Variants in PDGFC observed in about 807,000 individuals in gnomAD.
The protein encoded by PDGFC is platelet derived growth factor C.
Under a neutral mutation model 35.5 loss-of-function variants are expected in PDGFC, and 12 were observed. The ratio of observed to expected loss-of-function variants is 0.34; its 90% CI spans 0.22 to 0.55. PDGFC has a LOEUF of 0.55. Among genes scored for constraint, PDGFC ranks in the 20% least tolerant of loss-of-function variants. The pLI is 0.91. For synonymous variants in PDGFC, 159 were observed against 148.8 expected, an observed-to-expected ratio of 1.07 and a Z score of -0.50; for missense variants, 322 against 412.4, an observed-to-expected ratio of 0.78 and a Z score of 1.90.
chr4:156,965,096 G>A (rs1321949066), intron 1 of PDGFC, among the ~76,000 whole-genome samples: 1 of 152,188 alleles, frequency 6.6e-6, no homozygotes. Context: ...TTTATCAAGA[G>A]TAAAACGTGG....
chr4:156,867,154 A>G (rs1729864850), intron 1 of PDGFC, among the ~76,000 whole-genome samples: 1 of 152,246 alleles, frequency 6.6e-6, no homozygotes, highest in African/African-American at 2.4e-5. Context: ...TAAATATGTT[A>G]GCATGAATAT....
intron 1 of PDGFC, among the ~76,000 whole-genome samples, chr4:156,878,332 TA>T (rs1299186512): frequency 1.3e-5 from 2 of 152,132 alleles, no homozygotes; most frequent in Admixed American, 1.3e-4. Flanking sequence ...TGCTTAGGAA[TA>T]AGGAAATGGT....
At chr4:156,827,380 G>A (rs1728798431) in intron 2 of PDGFC, among the ~76,000 whole-genome samples, 1 of 150,750 alleles carries the variant, frequency 6.6e-6, no homozygotes, top group South Asian at 2.1e-4. Context: ...TCACGCCACT[G>A]CACTCCAGCC....
chr4:156,804,284 T>C (rs1274252763), intron 3 of PDGFC, among the ~76,000 whole-genome samples: 1 of 152,042 alleles, frequency 6.6e-6, no homozygotes, highest in African/African-American at 2.4e-5. Flanking sequence ...GATCAAACTA[T>C]AGTTTAGAGC....
intron 1 of PDGFC, among the ~76,000 whole-genome samples, chr4:156,945,400 G>T (rs1437387751): frequency 4.7e-5 from 5 of 106,492 alleles, no homozygotes; most frequent in African/African-American, 1.0e-4. Flanking sequence ...TAATCAGTAG[G>T]GAAAATTCAC....
intron 3 of PDGFC, among the ~76,000 whole-genome samples, chr4:156,780,435 A>T (rs1730946822): frequency 6.6e-6 from 1 of 152,212 alleles, no homozygotes; most frequent in Admixed American, 6.5e-5. Flanking sequence ...ACAGAAATTT[A>T]TCCTACAGTA....
At position 156,959,650 on chromosome 4, in the gene PDGFC, G is replaced by A. The variant is rs555610462; in HGVS notation, c.118+11136C>T. ...GTGCTTTATGCAGTTTTAAATGTTC[G>A]GCAGATACATTAAATAAGTCCTATT... is the stretch of plus-strand genomic sequence containing the variant. On this transcript the variant is annotated intron_variant, in intron 1 of 5. Transcript: ENST00000502773. Among the ~76,000 whole-genome samples the A allele has an allele frequency of 3.9e-5, 6 of 151,970 alleles. No individual in the cohort carries two copies. In the South Asian group the frequency reaches 6.2e-4, roughly 16 times the overall value.
chr4:156,807,652 C>T (rs1731804609), intron 3 of PDGFC, among the ~76,000 whole-genome samples: 1 of 151,970 alleles, frequency 6.6e-6, no homozygotes, highest in South Asian at 2.1e-4. Flanking sequence ...TATTAAAACT[C>T]TGCCTCTAAG....
At chr4:156,947,992 C>G (rs1018618524) in intron 1 of PDGFC, among the ~76,000 whole-genome samples, 1 of 151,990 alleles carries the variant, frequency 6.6e-6, no homozygotes, top group African/African-American at 2.4e-5. Context: ...AATAGCAAGT[C>G]TCTACGGTCT....
At chr4:156,905,459 C>T (rs948583179) in intron 1 of PDGFC, among the ~76,000 whole-genome samples, 1 of 151,836 alleles carries the variant, frequency 6.6e-6, no homozygotes. Flanking sequence ...ATGTGCAATG[C>T]GTAAACTGAA....
At chr4:156,942,590 T>G (rs1053565799) in intron 1 of PDGFC, among the ~76,000 whole-genome samples, 1 of 151,216 alleles carries the variant, frequency 6.6e-6, no homozygotes, top group Non-Finnish European at 1.5e-5. Flanking sequence ...TTTTGAAAAA[T>G]TCTGAGAAAC....
chr4:156,901,317 A>T (rs1730776905), intron 1 of PDGFC, among the ~76,000 whole-genome samples: 1 of 152,158 alleles, frequency 6.6e-6, no homozygotes. Flanking sequence ...GCAAGGAGCA[A>T]GCACATGTAA....
intron 1 of PDGFC, among the ~76,000 whole-genome samples, chr4:156,940,391 A>G (rs948030272): frequency 1.3e-5 from 2 of 152,112 alleles, no homozygotes; most frequent in Non-Finnish European, 2.9e-5. Context: ...TGGACAATTG[A>G]TTTTATCTAT....
chr4:156,950,604 C>G (rs1732056599), intron 1 of PDGFC, among the ~76,000 whole-genome samples: 1 of 151,758 alleles, frequency 6.6e-6, no homozygotes, highest in African/African-American at 2.4e-5. Context: ...TCCTGTTACT[C>G]TGTCTTTTGT....
chr4:156,772,146 A>G (rs1019601323), intron 4 of PDGFC, among the ~76,000 whole-genome samples: 1 of 152,158 alleles, frequency 6.6e-6, no homozygotes, highest in African/African-American at 2.4e-5. Context: ...CTTGCTATGA[A>G]TCCTGCCTTG....
intron 1 of PDGFC, among the ~76,000 whole-genome samples, chr4:156,858,620 C>T (rs1729638878): frequency 6.6e-6 from 1 of 151,978 alleles, no homozygotes; most frequent in African/African-American, 2.4e-5. Context: ...TAAAGGTTCA[C>T]TATTGATTTT....
At chr4:156,938,714 A>C (rs1731738726) in intron 1 of PDGFC, among the ~76,000 whole-genome samples, 1 of 151,950 alleles carries the variant, frequency 6.6e-6, no homozygotes, top group African/African-American at 2.4e-5. Context: ...AAAAGTGGTT[A>C]TTTGCAAGTG....
chr4:156,887,800 G>T (rs903279643), intron 1 of PDGFC, among the ~76,000 whole-genome samples: 2 of 151,948 alleles, frequency 1.3e-5, no homozygotes, highest in Admixed American at 6.6e-5. Context: ...GAACACTTGA[G>T]CTCAAGAGTG....
intron 2 of PDGFC, among the ~76,000 whole-genome samples, chr4:156,841,725 C>T (rs1310772910): frequency 1.3e-5 from 2 of 152,030 alleles, no homozygotes; most frequent in African/African-American, 4.8e-5. Flanking sequence ...AAGCTGGTCT[C>T]AATCTCCTGA....
Sources: allele counts gnomAD v4.1 joint callset (sites outside exome capture counted in the v4.1 genomes callset), GRCh38; gene constraint gnomAD v4.1.1; transcripts MANE v1.5; gene names NCBI Gene and HGNC (gene_info 2026-07-23, HGNC 2026-07-21).